Variants in ALK observed in about 807,000 individuals in gnomAD.
The protein encoded by ALK is ALK tyrosine kinase receptor.
A neutral mutation model predicts 163.1 loss-of-function variants in ALK; 74 were observed. That is an observed-to-expected ratio of 0.45 (90% CI 0.38 to 0.55). ALK has a LOEUF of 0.55. Ranked by LOEUF, ALK falls within the 20% of genes least tolerant of loss-of-function variation. The probability of loss-of-function intolerance (pLI) is 0.00; values close to 1 mark genes in which losing one functional copy is unlikely to be tolerated. For synonymous variants in ALK, 960 were observed against 843.2 expected (o/e 1.14, Z -2.40); for missense variants, 2,063 against 2,105.3 (o/e 0.98, Z 0.39).
intron 3 of ALK, among the ~76,000 whole-genome samples, chr2:29,657,484 G>A (rs1677219585): frequency 6.6e-6 from 1 of 152,162 alleles, no homozygotes; most frequent in African/African-American, 2.4e-5. Flanking sequence ...TAAAATGGCA[G>A]AGCACCAACC....
At chr2:29,548,660 C>T (rs7607113) in intron 3 of ALK, among the ~76,000 whole-genome samples, 121,964 of 152,006 alleles carry the variant, frequency 0.8, 49,614 homozygotes, top group Non-Finnish European at 0.88. Flanking sequence ...AGGGATCCCG[C>T]CTGTCTTGGG....
chr2:29,366,993 C>A (rs1057295109), intron 5 of ALK, among the ~76,000 whole-genome samples: 8 of 152,152 alleles, frequency 5.3e-5, no homozygotes, highest in Admixed American at 5.2e-4. Flanking sequence ...TTTCTTCCTC[C>A]CGTCATTACT....
chr2:29,656,586 T>C (rs750615733), intron 3 of ALK, among the ~76,000 whole-genome samples: 7 of 152,208 alleles, frequency 4.6e-5, no homozygotes, highest in Non-Finnish European at 8.8e-5. Context: ...TTATTTGATA[T>C]AACAACCCTA....
chr2:29,403,882 A>C (rs1490540092), intron 4 of ALK, among the ~76,000 whole-genome samples: 1 of 152,120 alleles, frequency 6.6e-6, no homozygotes, highest in Non-Finnish European at 1.5e-5. Context: ...ACTGCACCCC[A>C]ACTTGAGCAA....
intron 22 of ALK, 50 bp downstream of exon 22, chr2:29,222,294 C>A: frequency 6.4e-7 from 1 of 1,564,912 alleles, no homozygotes; most frequent in South Asian, 1.1e-5. Flanking sequence ...TCTCCAGGTT[C>A]TTTGGGGGCA....
intron 3 of ALK, among the ~76,000 whole-genome samples, chr2:29,568,531 G>A (rs578039980): frequency 6.6e-6 from 1 of 152,236 alleles, no homozygotes; most frequent in East Asian, 1.9e-4. Flanking sequence ...AGGGAGGGCA[G>A]GCTTTTCAAG....
intron 4 of ALK, among the ~76,000 whole-genome samples, chr2:29,401,434 A>T (rs1669444081): frequency 6.6e-6 from 1 of 152,188 alleles, no homozygotes; most frequent in Non-Finnish European, 1.5e-5. Flanking sequence ...TATTCCTTTA[A>T]GCAATTTCCC....
chr2:29,413,986 T>C (rs987738364), intron 4 of ALK, among the ~76,000 whole-genome samples: 1 of 152,240 alleles, frequency 6.6e-6, no homozygotes, highest in Non-Finnish European at 1.5e-5. Flanking sequence ...CATTATCAAG[T>C]ACTATGTACT....
At chr2:29,367,742 ATTG>A (rs1425676153) in intron 5 of ALK, among the ~76,000 whole-genome samples, 1 of 152,152 alleles carries the variant, frequency 6.6e-6, no homozygotes, top group Middle Eastern at 3.2e-3. Context: ...ATTTATTATT[ATTG>A]TTATTATTGT....
intron 11 of ALK, among the ~76,000 whole-genome samples, chr2:29,268,592 T>C (rs189700637): frequency 3.3e-5 from 5 of 152,318 alleles, no homozygotes; most frequent in Admixed American, 3.3e-4. Context: ...TGTTAGTCCC[T>C]AGGCTTGGGA....
intron 2 of ALK, among the ~76,000 whole-genome samples, chr2:29,701,868 G>A (rs2148295359): frequency 6.6e-6 from 1 of 152,262 alleles, no homozygotes; most frequent in Admixed American, 6.5e-5. Flanking sequence ...AGATAGGAAG[G>A]GGCTATGTGG....
chr2:29,709,960 T>C (rs992559407), intron 2 of ALK, among the ~76,000 whole-genome samples: 1 of 152,172 alleles, frequency 6.6e-6, no homozygotes, highest in Non-Finnish European at 1.5e-5. Flanking sequence ...GTTGATATGA[T>C]TTGTCTGTGC....
chr2:29,792,186 A>G lies in ALK; in HGVS notation c.668-74489T>C, dbSNP rs193290906. On this transcript the variant is annotated intron_variant, in intron 1 of 28. Coordinates refer to ENST00000389048, the MANE Select transcript of ALK (RefSeq NM_004304.5). ...ATGGGGAATTCTCTAACTATACATT[A>G]GGTATTTTATAAAGCTTTCATTCTT... 5.3e-3 allele frequency among the ~76,000 whole-genome samples: 813 copies of G among 152,262 alleles called. 6 individuals are homozygous for G. Among genetic ancestry groups the G allele is most frequent in the African/African-American group, 0.019 (778 of 41,574 alleles).
Position 29,282,142 on chromosome 2 carries a change from A to G in ALK, c.1818-6646T>C, listed in dbSNP as rs932285507. Among the ~76,000 whole-genome samples the G allele has an allele frequency of 3.3e-5, 5 of 152,248 alleles. No individual in the cohort carries two copies. The South Asian group carries it at 1.0e-3, about 32-fold the overall frequency. On this transcript the variant is annotated intron_variant, in intron 9 of 28. Transcript: ENST00000389048. ...GGCTCGGAAGAAGGGAGTGTCCTGC[A>G]TCCCTTTTTGCTGCTGGTGCTTGTC...
chr2:29,458,858 G>A lies in ALK; in HGVS notation c.1154+73057C>T, dbSNP rs1343591776. Among the ~76,000 whole-genome samples, 5 of 152,154 alleles carry A rather than the reference G, an allele frequency of 3.3e-5. No individual in the cohort carries two copies. The South Asian group carries it at 8.3e-4, about 25-fold the overall frequency. On this transcript the variant is annotated intron_variant, in intron 4 of 28. Coordinates refer to ENST00000389048, the MANE Select transcript of ALK (RefSeq NM_004304.5). The stretch of plus-strand genomic sequence containing the variant: ...CTACCAGTCAGCAACCTGCCCTTTT[G>A]TTTGGTGTTCCCCTTTCTGATACTC...
At chr2:29,332,734 T>C (rs1392926414) in intron 5 of ALK, among the ~76,000 whole-genome samples, 1 of 152,244 alleles carries the variant, frequency 6.6e-6, no homozygotes, top group Non-Finnish European at 1.5e-5. Context: ...GGCTACAATA[T>C]TGTGCAATAT....
At chr2:29,517,157 C>A (rs878934192) in intron 4 of ALK, among the ~76,000 whole-genome samples, 4 of 152,112 alleles carry the variant, frequency 2.6e-5, no homozygotes, top group Non-Finnish European at 5.9e-5. Context: ...ACACACACAG[C>A]CAGTGAATTT....
chr2:29,828,542 G>A (rs71537156), intron 1 of ALK, among the ~76,000 whole-genome samples: 17,408 of 152,150 alleles, frequency 0.11, 1,240 homozygotes, highest in South Asian at 0.22. Context: ...CATTTATGCA[G>A]CCAAAAGACA....
At chr2:29,526,421 A>G (rs1672961897) in intron 4 of ALK, among the ~76,000 whole-genome samples, 1 of 152,214 alleles carries the variant, frequency 6.6e-6, no homozygotes, top group Non-Finnish European at 1.5e-5. Flanking sequence ...CCCCCTGACA[A>G]GCCTGGGTGT....
Sources: allele counts gnomAD v4.1 joint callset (sites outside exome capture counted in the v4.1 genomes callset), GRCh38; gene constraint gnomAD v4.1.1; transcripts MANE v1.5; gene names NCBI Gene and HGNC (gene_info 2026-07-23, HGNC 2026-07-21).